Variants in NEK1 observed in about 807,000 individuals in gnomAD.
NEK1 encodes NIMA related kinase 1.
A neutral mutation model predicts 182.1 loss-of-function variants in NEK1; 137 were observed. The observed-to-expected ratio is 0.75, with a 90% CI of 0.65 to 0.87. The LOEUF (loss-of-function observed/expected upper bound fraction) is 0.87, where lower values mean the gene tolerates loss of function less well. Among genes scored for constraint, NEK1 ranks in the 40% least tolerant of loss-of-function variants. NEK1 has a pLI of 0.00. For synonymous variants in NEK1, 513 were observed against 492.2 expected (o/e 1.04, Z -0.56); for missense variants, 1,391 against 1,494.4 (o/e 0.93, Z 1.14).
chr4:169,405,723 T>C (rs1732474932), intron 32 of NEK1, among the ~76,000 whole-genome samples: 1 of 150,702 alleles, frequency 6.6e-6, no homozygotes, highest in African/African-American at 2.4e-5. Flanking sequence ...TGCCTCAAAC[T>C]CTTGGGCTCA....
At chr4:169,417,834 T>C (rs910293920) in intron 31 of NEK1, among the ~76,000 whole-genome samples, 3 of 152,226 alleles carry the variant, frequency 2.0e-5, no homozygotes, top group African/African-American at 7.2e-5. Context: ...AAGTAAACCC[T>C]ACCACTAAAC....
At chr4:169,535,962 G>A (rs942845694) in intron 19 of NEK1, among the ~76,000 whole-genome samples, 9 of 151,068 alleles carry the variant, frequency 6.0e-5, no homozygotes, top group Admixed American at 5.9e-4. Context: ...CCACAGATCT[G>A]AGAAGCTCAA....
chr4:169,482,704 C>G (rs922223151), intron 23 of NEK1, among the ~76,000 whole-genome samples: 1 of 151,736 alleles, frequency 6.6e-6, no homozygotes, highest in Non-Finnish European at 1.5e-5. Flanking sequence ...GGTGCAATGG[C>G]TCAGTGAAAC....
intron 27 of NEK1, among the ~76,000 whole-genome samples, chr4:169,448,450 A>G (rs1741014915): frequency 6.6e-6 from 1 of 152,178 alleles, no homozygotes; most frequent in South Asian, 2.1e-4. Context: ...TACAACAGAT[A>G]CGCAAAAAAA....
chr4:169,542,412 T>TG (rs1481696904), intron 18 of NEK1, among the ~76,000 whole-genome samples: 1 of 152,222 alleles, frequency 6.6e-6, no homozygotes, highest in Non-Finnish European at 1.5e-5. Flanking sequence ...TGATGGGCAT[T>TG]TGGGTTGGTT....
rs748055814 is a variant in NEK1 at position 169,424,683 on chromosome 4, T to C, written c.3092A>G (p.Gln1031Arg). Residue 1031 changes from glutamine (Q) to arginine (R), a missense_variant, in exon 31 of 36, where the codon CAA (glutamine) becomes CGA (arginine). This residue lies in a region of NEK1 where 1,216 missense variants were observed against 1,277.6 expected (regional missense o/e 0.95). Transcript: ENST00000507142. ...TTCTTCTGGTGAACACTGAACTGAT[T>C]GAACTTGAGGGACTAAGTTCAAGTG... ...SEHLNLVPQVQSVQCSPEESF... is the reference protein window; with the variant it reads ...SEHLNLVPQVRSVQCSPEESF... 5.6e-6 allele frequency: 9 copies of C among 1,613,906 alleles called. No homozygotes were observed. Among genetic ancestry groups the C allele is most frequent in the Admixed American group, 3.3e-5 (2 of 60,014 alleles).
intron 26 of NEK1, among the ~76,000 whole-genome samples, chr4:169,472,545 T>C (rs1746195872): frequency 6.6e-6 from 1 of 152,250 alleles, no homozygotes; most frequent in Non-Finnish European, 1.5e-5. Flanking sequence ...TGCATTGGTC[T>C]CACTGGGAAC....
chr4:169,527,087 C>G lies in NEK1; in HGVS notation c.1665+10722G>C, dbSNP rs754539768. ...CGTCCAGAGGAAAACAAAAGATTAA[C>G]TACAAGAGAAAAAGCATTTGAACAT... On this transcript the variant is annotated intron_variant, in intron 19 of 35. Transcript: ENST00000507142. Among the ~76,000 whole-genome samples the G allele has an allele frequency of 2.1e-4, 32 of 152,196 alleles. 1 individual carries two copies. In the South Asian group the frequency reaches 4.1e-3, roughly 20 times the overall value.
intron 35 of NEK1, among the ~76,000 whole-genome samples, chr4:169,399,267 A>G (rs1340132675): frequency 1.3e-5 from 2 of 151,336 alleles, no homozygotes; most frequent in African/African-American, 4.9e-5. Flanking sequence ...AACGTTTAAT[A>G]CCACATCCTT....
intron 35 of NEK1, among the ~76,000 whole-genome samples, chr4:169,396,386 A>AAAAAAAAAAAAAAAC (rs1730713368): frequency 6.7e-6 from 1 of 149,510 alleles, no homozygotes; most frequent in Non-Finnish European, 1.5e-5. Context: ...AAAAAAAAAA[A>AAAAAAAAAAAAAAAC]AAAAAAAAAA....
chr4:169,473,755 C>G (rs777881807), intron 26 of NEK1, among the ~76,000 whole-genome samples: 3 of 151,906 alleles, frequency 2.0e-5, no homozygotes, highest in Non-Finnish European at 4.4e-5. Context: ...GAGAGGTCTA[C>G]TATTAATAGA....
chr4:169,562,865 A>G (rs1763133324), intron 12 of NEK1, among the ~76,000 whole-genome samples: 1 of 152,108 alleles, frequency 6.6e-6, no homozygotes, highest in African/African-American at 2.4e-5. Context: ...TATACTGTTT[A>G]CCTAACTTTG....
Position 169,549,726 on chromosome 4 carries a change from TTTTG to T in NEK1, c.1562+5990_1562+5993del, listed in dbSNP as rs947495279. On this transcript the variant is annotated intron_variant, in intron 18 of 35. Coordinates refer to ENST00000507142, the MANE Select transcript of NEK1 (RefSeq NM_001199397.3). Reference sequence around the variant, plus strand: ...GTGTAAGCCACGACACCCGGTCTTTTTTTGTTTGTTTAAGACGGAGTCTCACTCT... The same window carrying T: ...GTGTAAGCCACGACACCCGGTCTTTTTTTGTTTAAGACGGAGTCTCACTCT... Among the ~76,000 whole-genome samples the T allele has an allele frequency of 3.3e-5, 5 of 151,720 alleles. No homozygotes were observed. In the South Asian group the frequency reaches 6.3e-4, roughly 19 times the overall value.
chr4:169,574,093 G>A (rs933863192), intron 12 of NEK1, among the ~76,000 whole-genome samples: 11 of 152,138 alleles, frequency 7.2e-5, no homozygotes, highest in Non-Finnish European at 1.2e-4. Context: ...AGGAAGTTAA[G>A]GCAGCAGTGA....
rs539835773 is a variant in NEK1, at chr4:169,604,359, G to A, written c.-48-1681C>T. On this transcript the variant is annotated intron_variant, in intron 2 of 35. Coordinates refer to ENST00000507142, the MANE Select transcript of NEK1 (RefSeq NM_001199397.3). ...CTAGCTAGTGAAAGCTGAAAAAAGT[G>A]TGAGAAAGAGTCATAAGAGCAATAA... is the stretch of plus-strand genomic sequence containing the variant. Among the ~76,000 whole-genome samples, 3 of 152,326 alleles carry A rather than the reference G, an allele frequency of 2.0e-5. No homozygotes were observed. The South Asian group carries it at 6.2e-4, about 32-fold the overall frequency.
intron 27 of NEK1, among the ~76,000 whole-genome samples, chr4:169,448,080 T>C (rs942096407): frequency 1.3e-5 from 2 of 151,706 alleles, no homozygotes; most frequent in African/African-American, 4.8e-5. Context: ...TAGCCATGTG[T>C]GGTGGCTACA....
At chr4:169,478,551 G>C (rs1304902788) in intron 24 of NEK1, among the ~76,000 whole-genome samples, 1 of 152,064 alleles carries the variant, frequency 6.6e-6, no homozygotes, top group African/African-American at 2.4e-5. Flanking sequence ...TGAAGTTCTT[G>C]AGAATGATCA....
chr4:169,408,507 G>A (rs1374936448), intron 31 of NEK1, among the ~76,000 whole-genome samples: 2 of 151,998 alleles, frequency 1.3e-5, no homozygotes, highest in African/African-American at 4.8e-5. Context: ...TTGAGGTAAA[G>A]GTGATTTTTG....
At chr4:169,595,845 C>T (rs548372304) in intron 5 of NEK1, among the ~76,000 whole-genome samples, 128 of 150,498 alleles carry the variant, frequency 8.5e-4, no homozygotes, top group African/African-American at 3.0e-3. Flanking sequence ...ATGGCGTGAA[C>T]CCGGGAGGCA....
Sources: allele counts gnomAD v4.1 joint callset (sites outside exome capture counted in the v4.1 genomes callset), GRCh38; gene constraint gnomAD v4.1.1; regional missense constraint gnomAD v4.1.1; transcripts MANE v1.5; gene names NCBI Gene and HGNC (gene_info 2026-07-23, HGNC 2026-07-21).